Variants in LRMDA observed in about 807,000 individuals in gnomAD.
LRMDA encodes leucine rich melanocyte differentiation associated, also known as leucine-rich melanocyte differentiation-associated protein.
A neutral mutation model predicts 29.8 loss-of-function variants in LRMDA; 18 were observed. The ratio of observed to expected loss-of-function variants is 0.60; its 90% CI spans 0.42 to 0.90. LRMDA has a LOEUF of 0.90. Among genes scored for constraint, LRMDA ranks in the 40% least tolerant of loss-of-function variants. The pLI, the probability that LRMDA is intolerant of heterozygous loss-of-function variation, is 0.00. For synonymous variants in LRMDA, 125 were observed against 109.4 expected (o/e 1.14, Z -0.89); for missense variants, 273 against 273.9 (o/e 1.00, Z 0.02).
intron 2 of LRMDA, among the ~76,000 whole-genome samples, chr10:75,726,981 A>G (rs1346649858): frequency 2.0e-5 from 3 of 152,244 alleles, no homozygotes; most frequent in Admixed American, 2.0e-4. Context: ...CATAGAGGCC[A>G]GCACATGGTG....
chr10:76,175,423 A>G (rs535766881), intron 5 of LRMDA, among the ~76,000 whole-genome samples: 2 of 152,332 alleles, frequency 1.3e-5, no homozygotes, highest in South Asian at 2.1e-4. Context: ...AGCTCTTAGA[A>G]TGATGCCTGG....
At chr10:75,487,912 A>G (rs1844934727) in intron 2 of LRMDA, among the ~76,000 whole-genome samples, 1 of 152,196 alleles carries the variant, frequency 6.6e-6, no homozygotes, top group Non-Finnish European at 1.5e-5. Flanking sequence ...GGTTTGAGCT[A>G]CTTCTGCTAT....
Position 75,621,936 on chromosome 10 carries a change from G to A in LRMDA, c.131+183442G>A, listed in dbSNP as rs78872652. Among the ~76,000 whole-genome samples the A allele has an allele frequency of 2.3e-3, 352 of 152,242 alleles. 1 individual carries two copies. The highest frequency in any genetic ancestry group is 4.3e-3 in the Non-Finnish European group (293 of 68,002). On this transcript the variant is annotated intron_variant, in intron 2 of 6. Coordinates refer to ENST00000611255, the MANE Select transcript of LRMDA (RefSeq NM_001305581.2). ...GATTGAGTGTTACTTGCTGATTTTC[G>A]ACTCTCTCTGCCTCTCACCACTATA... is the stretch of plus-strand genomic sequence containing the variant.
At chr10:76,248,503 G>A (rs538801419) in intron 5 of LRMDA, among the ~76,000 whole-genome samples, 2 of 152,198 alleles carry the variant, frequency 1.3e-5, no homozygotes, top group South Asian at 4.1e-4. Flanking sequence ...CCTCTTTAGG[G>A]TTGGATAAAG....
intron 6 of LRMDA, among the ~76,000 whole-genome samples, chr10:76,553,931 G>A (rs753087551): frequency 2.5e-4 from 38 of 152,192 alleles, no homozygotes; most frequent in Non-Finnish European, 4.9e-4. Flanking sequence ...ACTGAGTGCC[G>A]TCCTTTCTGG....
chr10:75,929,007 T>G lies in LRMDA; in HGVS notation c.132-107001T>G, dbSNP rs1388440752. Among the ~76,000 whole-genome samples the G allele has an allele frequency of 3.9e-5, 6 of 152,164 alleles. No individual in the cohort carries two copies. In the South Asian group the frequency reaches 1.0e-3, roughly 26 times the overall value. ...AACATAGGTTGTCAAACCACCAGAT[T>G]TGATTATTTCTAAGGAACCCTACAA... On this transcript the variant is annotated intron_variant, in intron 2 of 6. Transcript: ENST00000611255.
chr10:76,031,589 G>A (rs1323920790), intron 2 of LRMDA, among the ~76,000 whole-genome samples: 1 of 152,064 alleles, frequency 6.6e-6, no homozygotes, highest in African/African-American at 2.4e-5. Flanking sequence ...AGAGGGGCCT[G>A]GGCAGACAGA....
At chr10:75,506,099 A>G (rs755951482) in intron 2 of LRMDA, among the ~76,000 whole-genome samples, 1 of 152,224 alleles carries the variant, frequency 6.6e-6, no homozygotes, top group Non-Finnish European at 1.5e-5. Context: ...AACCATAAGT[A>G]GAACAAGCTA....
At chr10:75,689,527 C>T (rs945255541) in intron 2 of LRMDA, among the ~76,000 whole-genome samples, 2 of 152,148 alleles carry the variant, frequency 1.3e-5, no homozygotes, top group African/African-American at 4.8e-5. Context: ...CCAGCCTTTG[C>T]CCTCCCTATC....
At chr10:76,291,444 G>A (rs1840339124) in intron 5 of LRMDA, among the ~76,000 whole-genome samples, 1 of 152,074 alleles carries the variant, frequency 6.6e-6, no homozygotes, top group Admixed American at 6.5e-5. Context: ...AGTTTTAATG[G>A]CTGAATCACT....
intron 6 of LRMDA, among the ~76,000 whole-genome samples, chr10:76,544,718 ACACAC>A (rs1564572406): frequency 2.6e-4 from 11 of 41,850 alleles, no homozygotes; most frequent in African/African-American, 8.1e-4. Context: ...ATGCACACAC[ACACAC>A]ACACACACAC....
At chr10:76,554,310 C>A (rs1843528583) in intron 6 of LRMDA, among the ~76,000 whole-genome samples, 1 of 152,180 alleles carries the variant, frequency 6.6e-6, no homozygotes, top group Non-Finnish European at 1.5e-5. Flanking sequence ...CAATCCTGGG[C>A]CTGTCTGCAA....
At chr10:75,717,075 G>A (rs901662246) in intron 2 of LRMDA, among the ~76,000 whole-genome samples, 1 of 152,128 alleles carries the variant, frequency 6.6e-6, no homozygotes, top group African/African-American at 2.4e-5. Flanking sequence ...TGCCATGTCT[G>A]CACCAGTAGC....
At chr10:76,060,463 G>A (rs141231082) in intron 5 of LRMDA, among the ~76,000 whole-genome samples, 15 of 152,258 alleles carry the variant, frequency 9.9e-5, no homozygotes, top group East Asian at 9.7e-4. Context: ...TCACTGGCTC[G>A]CTTTATGGGT....
chr10:76,490,423 CTT>C (rs1272057602), intron 6 of LRMDA, among the ~76,000 whole-genome samples: 1 of 151,826 alleles, frequency 6.6e-6, no homozygotes, highest in Admixed American at 6.6e-5. Context: ...CTCTCTCTCT[CTT>C]TAGCTCTAAT....
In LRMDA at chr10:75,990,569, G is replaced by A. The variant is rs141297167; in HGVS notation, c.132-45439G>A. On this transcript the variant is annotated intron_variant, in intron 2 of 6. Transcript: ENST00000611255. ...ATGGTAAACCCCTTTATAATGAAAC[G>A]GGCAGAGAATCAGCTCTCTTGCTCC... 3.0e-4 allele frequency among the ~76,000 whole-genome samples: 46 copies of A among 152,258 alleles called. 1 individual carries two copies. Among genetic ancestry groups the A allele is most frequent in the Admixed American group, 6.5e-4 (10 of 15,290 alleles).
chr10:76,440,327 T>G (rs1178077100), intron 6 of LRMDA, among the ~76,000 whole-genome samples: 1 of 152,192 alleles, frequency 6.6e-6, no homozygotes, highest in Non-Finnish European at 1.5e-5. Flanking sequence ...ACAATGCACA[T>G]AATTTCAAAT....
At chr10:76,321,842 G>T (rs1322668125) in intron 5 of LRMDA, among the ~76,000 whole-genome samples, 1 of 152,120 alleles carries the variant, frequency 6.6e-6, no homozygotes, top group South Asian at 2.1e-4. Flanking sequence ...CTACTCGGGA[G>T]GCTGAGGCAT....
At chr10:75,824,814 T>G (rs1368983802) in intron 2 of LRMDA, among the ~76,000 whole-genome samples, 2 of 152,206 alleles carry the variant, frequency 1.3e-5, no homozygotes, top group African/African-American at 4.8e-5. Context: ...ATGAAAACTT[T>G]GCTACTGATT....
Sources: gnomAD v4.1 joint callset for allele counts (sites outside exome capture counted in the v4.1 genomes callset) on GRCh38, gnomAD v4.1.1 for gene constraint, MANE v1.5 for transcripts, NCBI Gene and HGNC (gene_info 2026-07-23, HGNC 2026-07-21) for gene names.